Variants in TBCK observed in about 807,000 individuals in gnomAD.
TBCK encodes TBC domain-containing protein kinase-like protein.
Under a neutral mutation model 113.4 loss-of-function variants are expected in TBCK, and 99 were observed. The observed-to-expected ratio is 0.87, with a 90% confidence interval of 0.74 to 1.03. The LOEUF is 1.03. Ranked by LOEUF, TBCK falls within the 50% of genes least tolerant of loss-of-function variation. TBCK has a pLI of 0.00. For missense variants in TBCK, 1,045 were observed against 1,061.3 expected, an observed-to-expected ratio of 0.98 and a Z score of 0.21; for synonymous variants, 369 against 370.8, an observed-to-expected ratio of 1.00 and a Z score of 0.05.
intron 3 of TBCK, among the ~76,000 whole-genome samples, chr4:106,276,057 A>C (rs1046153935): frequency 2.0e-5 from 3 of 152,184 alleles, no homozygotes; most frequent in Non-Finnish European, 4.4e-5. Flanking sequence ...TGATGCTGGC[A>C]TAGGAACAGA....
intron 3 of TBCK, among the ~76,000 whole-genome samples, chr4:106,265,685 C>G (rs1202177047): frequency 2.6e-5 from 4 of 151,822 alleles, no homozygotes; most frequent in Non-Finnish European, 5.9e-5. Flanking sequence ...TTGAGTATCT[C>G]TGAGAATAGT....
chr4:106,244,847 T>TA (rs1196716005), intron 10 of TBCK, 83 bp from the exon 11 acceptor site: 48 of 814,804 alleles, frequency 5.9e-5, no homozygotes, highest in South Asian at 1.1e-4. Context: ...GCTGCCATTC[T>TA]AAAAAAAATA....
intron 23 of TBCK, among the ~76,000 whole-genome samples, chr4:106,117,882 G>A (rs987340181): frequency 1.4e-4 from 22 of 151,824 alleles, no homozygotes; most frequent in East Asian, 3.9e-4. Flanking sequence ...GGCAGTGGGC[G>A]CCTGTAGTCC....
chr4:106,278,403 CA>C (rs1263589031), intron 3 of TBCK, among the ~76,000 whole-genome samples: 8 of 151,282 alleles, frequency 5.3e-5, no homozygotes, highest in Non-Finnish European at 1.2e-4. Flanking sequence ...ACTAAAAATA[CA>C]AAAAATTAGC....
At chr4:106,237,401 T>C (rs963658590) in intron 12 of TBCK, 2 of 427,736 alleles carry the variant, frequency 4.7e-6, no homozygotes, top group Middle Eastern at 3.4e-4. Flanking sequence ...GGATTACAGG[T>C]ATTCTTCAAA....
rs1746051287 is a variant in TBCK, at chr4:106,132,376, G to A, written c.2236-15998C>T. Among the ~76,000 whole-genome samples, 5 of 152,390 alleles carry A rather than the reference G, an allele frequency of 3.3e-5. No homozygotes were observed. In the South Asian group the frequency reaches 1.0e-3, roughly 32 times the overall value. On this transcript the variant is annotated intron_variant, in intron 23 of 25. Transcript: ENST00000394708. ...GTACAGCTCAAGGCTTTGCTTCAGGGGGTGCAAGCCCCAAGCCTTGGTGGC... is the reference window on the plus strand; with the variant it reads ...GTACAGCTCAAGGCTTTGCTTCAGGAGGTGCAAGCCCCAAGCCTTGGTGGC...
At chr4:106,053,887 T>C (rs974213548) in intron 25 of TBCK, among the ~76,000 whole-genome samples, 1 of 151,662 alleles carries the variant, frequency 6.6e-6, no homozygotes, top group Non-Finnish European at 1.5e-5. Flanking sequence ...TACCAATGTA[T>C]CCTGTAACTT....
At chr4:106,247,313 A>G in intron 9 of TBCK, 26 bp from the exon 10 acceptor site, 1 of 1,604,920 alleles carries the variant, frequency 6.2e-7, no homozygotes, top group Non-Finnish European at 8.5e-7. Flanking sequence ...AATACAGAGC[A>G]TGAATGAAAG....
chr4:106,267,798 A>G (rs1461323934), intron 3 of TBCK, among the ~76,000 whole-genome samples: 1 of 151,982 alleles, frequency 6.6e-6, no homozygotes, highest in Non-Finnish European at 1.5e-5. Context: ...CTTTCCAGAT[A>G]TATTTCAAAG....
chr4:106,316,390 A>C, upstream of TBCK: 5 of 682,304 alleles, frequency 7.3e-6, no homozygotes, highest in East Asian at 2.9e-5. Flanking sequence ...GGGTGAGGGA[A>C]TGGAAGACGA....
chr4:106,119,977 T>C (rs1311290524), intron 23 of TBCK, among the ~76,000 whole-genome samples: 4 of 152,044 alleles, frequency 2.6e-5, no homozygotes, highest in South Asian at 2.1e-4. Context: ...GATGGCCGAA[T>C]AGGAACAGCT....
chr4:106,292,844 G>C (rs917008754), intron 3 of TBCK, among the ~76,000 whole-genome samples: 1 of 152,190 alleles, frequency 6.6e-6, no homozygotes. Flanking sequence ...AACTCAATCT[G>C]TCACTTCAGG....
chr4:106,255,732 C>G (rs370401700), intron 5 of TBCK, among the ~76,000 whole-genome samples: 77 of 152,286 alleles, frequency 5.1e-4, no homozygotes, highest in South Asian at 3.5e-3. Context: ...TGTTTCAGCC[C>G]TGTTTGTTAT....
At chr4:106,068,463 AGAG>A (rs1268068922) in intron 25 of TBCK, among the ~76,000 whole-genome samples, 5 of 152,174 alleles carry the variant, frequency 3.3e-5, no homozygotes, top group African/African-American at 9.7e-5. Context: ...CTATGTCCCT[AGAG>A]AAGACATGAA....
chr4:106,215,596 G>A (rs375236735), intron 19 of TBCK, among the ~76,000 whole-genome samples: 6 of 152,034 alleles, frequency 3.9e-5, no homozygotes, highest in South Asian at 2.1e-4. Flanking sequence ...CTTTAAACCA[G>A]CAAAGATCAA....
In TBCK at chr4:106,085,405, C is replaced by T. The variant is rs6812132; in HGVS notation, c.2571+10077G>A. Among the ~76,000 whole-genome samples, 864 of 152,254 alleles carry T rather than the reference C, an allele frequency of 5.7e-3. 10 individuals are homozygous for T. The highest frequency in any genetic ancestry group is 0.02 in the African/African-American group (835 of 41,534). On this transcript the variant is annotated intron_variant, in intron 25 of 25. Coordinates refer to ENST00000394708, the MANE Select transcript of TBCK (RefSeq NM_001163435.3). Reference sequence around the variant, plus strand: ...CACAATGGTAAAGGGAACAATTCAGCAAGAAGAGCTATATTCTGAATATGT... The same window carrying T: ...CACAATGGTAAAGGGAACAATTCAGTAAGAAGAGCTATATTCTGAATATGT...
At chr4:106,170,903 T>C (rs1750910613) in intron 23 of TBCK, among the ~76,000 whole-genome samples, 192 bp downstream of exon 23, 1 of 152,106 alleles carries the variant, frequency 6.6e-6, no homozygotes, top group African/African-American at 2.4e-5. Flanking sequence ...GTCAAAATAA[T>C]CTTCCTAACT....
intron 20 of TBCK, among the ~76,000 whole-genome samples, chr4:106,202,990 G>C (rs967347076): frequency 6.6e-6 from 1 of 151,882 alleles, no homozygotes; most frequent in Non-Finnish European, 1.5e-5. Flanking sequence ...AGATGATATA[G>C]AAATAAAAAT....
intron 24 of TBCK, among the ~76,000 whole-genome samples, chr4:106,114,266 C>A (rs28507027): frequency 0.2 from 30,995 of 152,052 alleles, 3,486 homozygotes; most frequent in South Asian, 0.27. Flanking sequence ...GGTTTTACAA[C>A]AGCTTCGGAA....
Sources: allele counts gnomAD v4.1 joint callset (sites outside exome capture counted in the v4.1 genomes callset), GRCh38; gene constraint gnomAD v4.1.1; transcripts MANE v1.5; gene names NCBI Gene and HGNC (gene_info 2026-07-23, HGNC 2026-07-21).